Variants in NOTCH1 observed in about 807,000 individuals in gnomAD.
NOTCH1 encodes neurogenic locus notch homolog protein 1.
Under a neutral mutation model 254.8 loss-of-function variants are expected in NOTCH1, and 37 were observed. That is an observed-to-expected ratio of 0.15 (90% CI 0.11 to 0.19). The LOEUF (loss-of-function observed/expected upper bound fraction) is 0.19, where lower values mean the gene tolerates loss of function less well. NOTCH1 is among the 10% of genes least tolerant of loss of function. NOTCH1 has a pLI of 1.00. For missense variants in NOTCH1, 2,972 were observed against 3,708.6 expected (o/e 0.80, Z 5.16); for synonymous variants, 1,731 against 1,618.1 (o/e 1.07, Z -1.68).
rs781317676 is a variant in NOTCH1 at position 136,496,140 on chromosome 9, G to C, written c.7599C>G (p.Ser2533=). The C allele has an allele frequency of 1.9e-6, 3 of 1,609,624 alleles. No homozygotes were observed. The highest frequency in any genetic ancestry group is 2.2e-5 in the South Asian group (2 of 90,056). Residue 2533 remains serine (S), a synonymous_variant, in exon 34 of 34, where the codon TCC becomes TCG. Coordinates refer to ENST00000651671, the MANE Select transcript of NOTCH1 (RefSeq NM_017617.5). ...TGGTGGGAGGGCTGGAGACGCCCTC[G>C]GACCAGTCGGAGACGTTGGAATGCG... ...SSPHSNVSDW[S]EGVSSPPTSM... is the part of the protein sequence containing the mutation.
Position 136,499,176 on chromosome 9 carries a change from G to C in NOTCH1, c.6018C>G (p.Ala2006=), listed in dbSNP as rs748935957. ...TGAGGTCCTCCAGCATGCCCTCCAC[G>C]GCCAGGCGGGCAGCCAGGATCAGTG... ...TTPLILAARL[A]VEGMLEDLIN... is the part of the protein sequence containing the mutation. Residue 2006 remains alanine, a synonymous_variant, in exon 32 of 34, where the codon GCC becomes GCG. Transcript: ENST00000651671. 1 of 1,613,226 alleles carries C rather than the reference G, an allele frequency of 6.2e-7. No homozygotes were observed. The highest frequency in any genetic ancestry group is 1.7e-5 in the Admixed American group (1 of 60,006).
At chr9:136,535,870 G>A (rs1461443552) in intron 2 of NOTCH1, among the ~76,000 whole-genome samples, 1 of 119,290 alleles carries the variant, frequency 8.4e-6, no homozygotes, top group African/African-American at 3.3e-5. Flanking sequence ...GGGGCAATGG[G>A]TGCAGGGTGG....
intron 24 of NOTCH1, 41 bp from the exon 25 acceptor site, chr9:136,505,922 C>T (rs1443637131): frequency 1.3e-6 from 2 of 1,483,260 alleles, no homozygotes; most frequent in Non-Finnish European, 1.8e-6. Context: ...GGGTGGGCCA[C>T]CCCCCGCCCC....
rs1843520891 is a variant in NOTCH1 at position 136,529,221 on chromosome 9, T to TG, written c.141-5243dup. Among the ~76,000 whole-genome samples the TG allele has an allele frequency of 4.6e-5, 7 of 152,162 alleles. No individual in the cohort carries two copies. The South Asian group carries it at 1.5e-3, about 32-fold the overall frequency. On this transcript the variant is annotated intron_variant, in intron 2 of 33. Transcript: ENST00000651671. ...CAAATGGGGCCATATGTGGACTGGC[T>TG]GGGGGGACACTGTGACCCCCTACTG...
At chr9:136,537,431 G>A (rs993395787) in intron 2 of NOTCH1, among the ~76,000 whole-genome samples, 8 of 152,214 alleles carry the variant, frequency 5.3e-5, no homozygotes, top group East Asian at 1.9e-4. Flanking sequence ...GGCAGAAAGC[G>A]GGTTAGTGGT....
In NOTCH1 at chr9:136,496,749, C is replaced by G; in HGVS notation, c.6990G>C (p.Val2330=). Residue 2330 remains valine (V), a synonymous_variant, in exon 34 of 34, where the codon GTG becomes GTC. Coordinates refer to ENST00000651671, the MANE Select transcript of NOTCH1 (RefSeq NM_017617.5). ...PNQYNPLRGS[V]APGPLSTQAP... is the part of the protein sequence containing the mutation. The stretch of plus-strand genomic sequence containing the variant: ...CCTGTGTGCTCAGGGGGCCTGGTGC[C>G]ACACTCCCCCGCAGAGGGTTGTATT... The G allele has an allele frequency of 6.2e-7, 1 of 1,612,840 alleles. No individual in the cohort carries two copies.
In NOTCH1 at chr9:136,522,137, C is replaced by A. The variant is rs112689381; in HGVS notation, c.742+713G>T. 9.3e-3 allele frequency among the ~76,000 whole-genome samples: 1,415 copies of A among 152,206 alleles called. 7 individuals carry two copies. The highest frequency in any genetic ancestry group is 0.016 in the Non-Finnish European group (1,062 of 67,996). On this transcript the variant is annotated intron_variant, in intron 4 of 33. Coordinates refer to ENST00000651671, the MANE Select transcript of NOTCH1 (RefSeq NM_017617.5). ...GGACTACAGGCGCGTGCCACCATGCCTGGCTAATTTTTTGTATTTTTAGTA... is the reference window on the plus strand; with the variant it reads ...GGACTACAGGCGCGTGCCACCATGCATGGCTAATTTTTTGTATTTTTAGTA...
chr9:136,542,388 G>A lies in NOTCH1; in HGVS notation c.140+1636C>T, dbSNP rs1318319187. Among the ~76,000 whole-genome samples, 5 of 152,022 alleles carry A rather than the reference G, an allele frequency of 3.3e-5. No individual in the cohort carries two copies. The East Asian group carries it at 7.7e-4, about 23-fold the overall frequency. ...GGGGTTATACATTCTGGGAAGCCAC[G>A]CATAATTAATCACACGGCATTAATC... is the stretch of plus-strand genomic sequence containing the variant. On this transcript the variant is annotated intron_variant, in intron 2 of 33. Transcript: ENST00000651671.
At position 136,514,631 on chromosome 9, in the gene NOTCH1, C is replaced by G. The variant is rs373556820; in HGVS notation, c.2086G>C (p.Gly696Arg). The change falls in exon 13 of 34, where the codon GGC (glycine) becomes CGC (arginine). Residue 696 changes from glycine (G) to arginine (R), a missense_variant. This residue lies in a region of NOTCH1 where 1,343 missense variants were observed against 1,557.0 expected (regional missense o/e 0.86). Transcript: ENST00000651671. ...PCHNGGTCED[G>R]INGFTCRCPE... The stretch of plus-strand genomic sequence containing the variant: ...CAGCGGCAGGTGAAGCCATTGATGC[C>G]GTCCTCGCAGGTGCCCCCGTTGTGG... 2 of 1,611,732 alleles carry G rather than the reference C, an allele frequency of 1.2e-6. No individual in the cohort carries two copies. The highest frequency in any genetic ancestry group is 8.5e-7 in the Non-Finnish European group (1 of 1,179,636).
intron 2 of NOTCH1, among the ~76,000 whole-genome samples, chr9:136,530,494 G>C (rs545893460): frequency 5.3e-5 from 8 of 152,194 alleles, no homozygotes; most frequent in Non-Finnish European, 1.2e-4. Context: ...AGCTGGGGTG[G>C]CCACTCTGGG....
At chr9:136,524,303 AAAAG>A (rs1015946952) in intron 2 of NOTCH1, among the ~76,000 whole-genome samples, 43 of 152,170 alleles carry the variant, frequency 2.8e-4, no homozygotes, top group African/African-American at 9.2e-4. Flanking sequence ...AAGACTCAAA[AAAAG>A]AAAGAAAGAA....
At position 136,515,318 on chromosome 9, in the gene NOTCH1, G is replaced by A. The variant is rs749156185; in HGVS notation, c.1986C>T (p.Tyr662=). The change falls in exon 12 of 34, where the codon TAC becomes TAT. Residue 662 remains tyrosine (Y), a synonymous_variant. Transcript: ENST00000651671. ...SGTCLDKIDG[Y]ECACEPGYTG... is the part of the protein sequence containing the mutation. ...TGTAGCCCGGCTCACAGGCACACTC[G>A]TAGCCATCGATCTTGTCCAGACAGG... 41 of 1,612,860 alleles carry A rather than the reference G, an allele frequency of 2.5e-5. 1 individual carries two copies. Among genetic ancestry groups the A allele is most frequent in the Middle Eastern group, 1.6e-4 (1 of 6,084 alleles).
intron 15 of NOTCH1, among the ~76,000 whole-genome samples, chr9:136,512,081 T>C (rs1034380907): frequency 1.3e-5 from 2 of 152,108 alleles, no homozygotes; most frequent in African/African-American, 4.8e-5. Context: ...TTTCCGACAA[T>C]TGTGCGAAAG....
intron 13 of NOTCH1, among the ~76,000 whole-genome samples, chr9:136,514,060 G>A (rs969035318): frequency 1.3e-5 from 2 of 152,204 alleles, no homozygotes; most frequent in Non-Finnish European, 2.9e-5. Flanking sequence ...GCCAAGTGCA[G>A]GGCAGTAGGG....
chr9:136,494,646 C>A lies in NOTCH1; in HGVS notation c.*1425G>T, dbSNP rs560654330. On this transcript the variant is annotated 3_prime_UTR_variant, in exon 34 of 34. Transcript: ENST00000651671. ...TGGCACCACGCGGCCCCCGTAGAGCCGGGGGAGGCTGCCCTGAGGAGTGCA... is the reference window on the plus strand; with the variant it reads ...TGGCACCACGCGGCCCCCGTAGAGCAGGGGGAGGCTGCCCTGAGGAGTGCA... The A allele has an allele frequency of 3.5e-4, 141 of 398,810 alleles. 1 individual carries two copies. The highest frequency in any genetic ancestry group is 6.3e-4 in the Middle Eastern group (1 of 1,588). The allele number at this position is 398,810 out of a possible 1,614,324, so 24.7% of individuals were successfully genotyped here.
intron 2 of NOTCH1, among the ~76,000 whole-genome samples, chr9:136,534,742 C>T (rs1843615756): frequency 6.6e-6 from 1 of 152,046 alleles, no homozygotes; most frequent in South Asian, 2.1e-4. Flanking sequence ...CCGATGGGGC[C>T]GCTGTGTGTG....
chr9:136,540,010 A>G lies in NOTCH1; in HGVS notation c.140+4014T>C, dbSNP rs2133401019. On this transcript the variant is annotated intron_variant, in intron 2 of 33. Transcript: ENST00000651671. This position sits in a 1 kb window ranked among gnomAD's most constrained non-coding sequence, Gnocchi z 4.4. ...GTGTTTAGGGACATTCGCTTGGGAG[A>G]AGGAGAGGGGCAGGGCTAGTAGGAA... Among the ~76,000 whole-genome samples, 1 of 152,196 alleles carries G rather than the reference A, an allele frequency of 6.6e-6. No individual in the cohort carries two copies. The highest frequency in any genetic ancestry group is 2.4e-5 in the African/African-American group (1 of 41,522).
At chr9:136,497,608 G>A in intron 33 of NOTCH1, 50 bp from the exon 34 acceptor site, 1 of 1,477,270 alleles carries the variant, frequency 6.8e-7, no homozygotes, top group South Asian at 1.3e-5. Context: ...CAGGCGTGGG[G>A]ACCCTCCCCA....
chr9:136,516,296 G>A (rs895343704), intron 9 of NOTCH1, among the ~76,000 whole-genome samples: 10 of 152,284 alleles, frequency 6.6e-5, no homozygotes, highest in East Asian at 3.9e-4. Flanking sequence ...ACACGCCCTC[G>A]CTCCCACAGA....
Sources: allele counts gnomAD v4.1 joint callset (sites outside exome capture counted in the v4.1 genomes callset), GRCh38; gene constraint gnomAD v4.1.1; regional missense constraint gnomAD v4.1.1; non-coding constraint Gnocchi (gnomAD v3.1); transcripts MANE v1.5; gene names NCBI Gene and HGNC (gene_info 2026-07-23, HGNC 2026-07-21).